The following SASH1 variants were observed in gnomAD, a reference collection of about 807,000 sequenced individuals.
SASH1 encodes SAM and SH3 domain-containing protein 1.
A neutral mutation model predicts 125.2 loss-of-function variants in SASH1; 44 were observed. That is an observed-to-expected ratio of 0.35 (90% CI 0.28 to 0.45). The LOEUF is 0.45. SASH1 is among the 20% of genes least tolerant of loss of function. The pLI, the probability that SASH1 is intolerant of heterozygous loss-of-function variation, is 1.00. For synonymous variants in SASH1, 639 were observed against 649.1 expected, an observed-to-expected ratio of 0.98 and a Z score of 0.24; for missense variants, 1,426 against 1,614.5, an observed-to-expected ratio of 0.88 and a Z score of 2.00.
chr6:148,214,903 GT>G, the SASH1 span, among the ~76,000 whole-genome samples: 8 of 152,174 alleles, frequency 5.3e-5, no homozygotes, highest in Admixed American at 5.2e-4. Flanking sequence ...AAATGACTGT[GT>G]TCCTTGCACC....
chr6:148,541,596 G>GA (rs1277542673), intron 17 of SASH1, among the ~76,000 whole-genome samples: 1 of 152,006 alleles, frequency 6.6e-6, no homozygotes, highest in Non-Finnish European at 1.5e-5. Flanking sequence ...GGAATCATGG[G>GA]AAAAAATAGT....
chr6:148,338,659 G>C (rs2114619572), upstream of SASH1, among the ~76,000 whole-genome samples: 1 of 151,998 alleles, frequency 6.6e-6, no homozygotes, highest in Non-Finnish European at 1.5e-5. Context: ...CTGAAGTTGT[G>C]ATGATGATGA....
chr6:148,439,170 T>A (rs1776440660), intron 2 of SASH1, among the ~76,000 whole-genome samples: 1 of 152,230 alleles, frequency 6.6e-6, no homozygotes, highest in Non-Finnish European at 1.5e-5. Flanking sequence ...TCAAAGGAGA[T>A]ACAGCCTCCT....
chr6:148,391,226 C>T (rs767559827), intron 2 of SASH1, among the ~76,000 whole-genome samples: 38 of 152,008 alleles, frequency 2.5e-4, no homozygotes, highest in Non-Finnish European at 4.3e-4. Context: ...TCTCCTGCCT[C>T]AGCCTCCCGA....
the SASH1 span, among the ~76,000 whole-genome samples, chr6:148,215,204 C>G: frequency 6.6e-6 from 1 of 152,182 alleles, no homozygotes; most frequent in African/African-American, 2.4e-5. Context: ...ATGTTTTTGT[C>G]AGCTTTAAAT....
At chr6:148,396,061 CAATTTGTTGTCATG>C (rs1451221632) in intron 2 of SASH1, among the ~76,000 whole-genome samples, 4 of 152,102 alleles carry the variant, frequency 2.6e-5, no homozygotes, top group African/African-American at 7.2e-5. Flanking sequence ...GCTTCTGTGC[CAATTTGTTGTCATG>C]ACTTTGTGAA....
At chr6:148,226,786 T>C in the SASH1 span, among the ~76,000 whole-genome samples, 2 of 152,168 alleles carry the variant, frequency 1.3e-5, no homozygotes, top group African/African-American at 4.8e-5. Flanking sequence ...TTTTCCGGTA[T>C]CTTTCTCTTT....
chr6:148,273,597 C>A (rs1779115277), intron 1 of SASH1, among the ~76,000 whole-genome samples: 2 of 151,868 alleles, frequency 1.3e-5, no homozygotes, highest in South Asian at 4.2e-4. Flanking sequence ...CCCAGCCTGA[C>A]CCTGTCTCTT....
intron 1 of SASH1, among the ~76,000 whole-genome samples, chr6:148,294,720 G>C (rs1779717729): frequency 6.6e-6 from 1 of 152,184 alleles, no homozygotes; most frequent in South Asian, 2.1e-4. Context: ...CAGATCCCAA[G>C]GTCTTAATCA....
intron 1 of SASH1, among the ~76,000 whole-genome samples, chr6:148,302,140 C>T (rs182597099): frequency 0.029 from 2,675 of 93,258 alleles, 74 homozygotes; most frequent in African/African-American, 0.087. Flanking sequence ...ATGGTGAAAC[C>T]CCGTCTCTAC....
At chr6:148,301,831 A>C (rs1779954920) in intron 1 of SASH1, among the ~76,000 whole-genome samples, 1 of 145,150 alleles carries the variant, frequency 6.9e-6, no homozygotes, top group East Asian at 2.1e-4. Flanking sequence ...TTGTGAGCTC[A>C]AGCAATCCTC....
the SASH1 span, among the ~76,000 whole-genome samples, chr6:148,232,605 T>C: frequency 6.6e-6 from 1 of 152,304 alleles, no homozygotes; most frequent in African/African-American, 2.4e-5. Context: ...ACAATTAAGA[T>C]GTGGGACAGA....
intron 1 of SASH1, among the ~76,000 whole-genome samples, chr6:148,295,078 A>T (rs79868030): frequency 0.018 from 2,754 of 151,712 alleles, 82 homozygotes; most frequent in African/African-American, 0.063. Flanking sequence ...TCTCTCTCTC[A>T]CACACACACA....
intron 4 of SASH1, among the ~76,000 whole-genome samples, chr6:148,450,520 G>C (rs970978840): frequency 6.6e-6 from 1 of 151,822 alleles, no homozygotes; most frequent in Non-Finnish European, 1.5e-5. Flanking sequence ...TCTCTTAACT[G>C]TCTGTATCCT....
In SASH1 at chr6:148,549,825, T is replaced by C. The variant is rs750327644; in HGVS notation, c.*1267T>C. On this transcript the variant is annotated 3_prime_UTR_variant, in exon 20 of 20. Transcript: ENST00000367467. ...CAGCACATTCTATCCTTTTTTTTTT[T>C]TGAAATGGAGTTTCGCTCTTGTCAC... 5.8e-6 allele frequency: 2 copies of C among 344,922 alleles called. No homozygotes were observed. Among genetic ancestry groups the C allele is most frequent in the Non-Finnish European group, 1.0e-5 (2 of 192,772 alleles). 21.4% of individuals were successfully genotyped at this position (344,922 alleles called of 1,614,324 possible). A position where few individuals can be genotyped will look rare whatever the true frequency, so the allele number is the denominator to read the frequency against.
the SASH1 span, among the ~76,000 whole-genome samples, chr6:148,209,444 A>C: frequency 1.3e-5 from 2 of 152,346 alleles, no homozygotes; most frequent in Admixed American, 6.5e-5. Context: ...TGAACAGAGA[A>C]GAGAAATTCA....
In SASH1 at chr6:148,548,530, A is replaced by G. The variant is rs1782703772; in HGVS notation, c.3716A>G (p.Lys1239Arg). Residue 1239 changes from lysine (K) to arginine (R), a missense_variant, in exon 20 of 20, where the codon AAA becomes AGA. By Grantham distance (26) the Lys-to-Arg change is conservative. Coordinates refer to ENST00000367467, the MANE Select transcript of SASH1 (RefSeq NM_015278.5). ...RKLLSAARLF[K>R]LPPGPEAM ...CTCCTATCTGCAGCCAGACTCTTCA[A>G]ACTGCCGCCAGGCCCTGAGGCCATG... 6.2e-7 allele frequency: 1 copy of G among 1,610,826 alleles called. No individual in the cohort carries two copies. Among genetic ancestry groups the G allele is most frequent in the African/African-American group, 1.3e-5 (1 of 74,874 alleles).
the SASH1 span, among the ~76,000 whole-genome samples, chr6:148,229,846 G>A: frequency 1.3e-5 from 2 of 151,248 alleles, no homozygotes; most frequent in East Asian, 2.0e-4. Flanking sequence ...TGGATAGCTC[G>A]GATTACAGGT....
At chr6:148,254,133 G>T in the SASH1 span, among the ~76,000 whole-genome samples, 1 of 151,210 alleles carries the variant, frequency 6.6e-6, no homozygotes, top group African/African-American at 2.4e-5. Flanking sequence ...CTTGAACCTG[G>T]GAAGTGGAGG....
Sources: allele counts gnomAD v4.1 joint callset (sites outside exome capture counted in the v4.1 genomes callset), GRCh38; gene constraint gnomAD v4.1.1; transcripts MANE v1.5; gene names NCBI Gene and HGNC (gene_info 2026-07-23, HGNC 2026-07-21).